The following CACNA1A variants were observed in gnomAD, a reference collection of about 807,000 sequenced individuals.
CACNA1A encodes the protein voltage-dependent P/Q-type calcium channel subunit alpha-1A.
CACNA1A carries 57 observed loss-of-function variants against 262.4 expected under a neutral mutation model. The ratio of observed to expected loss-of-function variants is 0.22; its 90% CI spans 0.18 to 0.27. The LOEUF is 0.27. Among genes scored for constraint, CACNA1A ranks in the 10% least tolerant of loss-of-function variants. The probability of loss-of-function intolerance (pLI) is 1.00; values close to 1 mark genes in which losing one functional copy is unlikely to be tolerated. For synonymous variants in CACNA1A, 1,431 were observed against 1,419.3 expected (o/e 1.01, Z -0.18); for missense variants, 2,526 against 3,562.8 (o/e 0.71, Z 7.41).
chr19:13,482,470 G>A (rs1352154631), intron 1 of CACNA1A, among the ~76,000 whole-genome samples: 1 of 140,316 alleles, frequency 7.1e-6, no homozygotes, highest in Non-Finnish European at 1.6e-5. Flanking sequence ...GTGACAGAGT[G>A]AGACTCCGTC....
In CACNA1A at chr19:13,214,306, T is replaced by A. The variant is rs767245920; in HGVS notation, c.5867A>T (p.Tyr1956Phe). 1 of 1,612,836 alleles carries A rather than the reference T, an allele frequency of 6.2e-7. No homozygotes were observed. Among genetic ancestry groups the A allele is most frequent in the Non-Finnish European group, 8.5e-7 (1 of 1,179,882 alleles). The change falls in exon 40 of 47, where the codon TAC becomes TTC. Residue 1956 changes from tyrosine to phenylalanine, a missense_variant. Physicochemically the swap from Tyr to Phe is conservative, Grantham distance 22. This residue lies in a region of CACNA1A where 112 missense variants were observed against 197.2 expected (regional missense o/e 0.57). Coordinates refer to ENST00000360228, the MANE Select transcript of CACNA1A (RefSeq NM_001127222.2). The surrounding 1 kb of genome is among the most constrained non-coding windows in gnomAD (Gnocchi z 4.1). The part of the protein sequence containing the change: ...KSTDLTVGKI[Y>F]AAMMIMEYYR... ...GTACTCCATGATCATCATGGCTGCG[T>A]AGATCTTCCCCACGGTGAGGTCCGT...
At chr19:13,362,583 T>C (rs2059129857) in intron 5 of CACNA1A, 1 of 152,222 alleles carries the variant, frequency 6.6e-6, no homozygotes, top group Non-Finnish European at 1.5e-5. Context: ...CCTCAAGGGA[T>C]ACTCCCACCT....
At position 13,214,671 on chromosome 19, in the gene CACNA1A, G is replaced by T; in HGVS notation, c.5732-63C>A. ...TGGGTGTCAGCTGGACTCTGGGTCAGCTGCAAAGCCATAGGCTCCCGAGAA... is the reference window on the plus strand; with the variant it reads ...TGGGTGTCAGCTGGACTCTGGGTCATCTGCAAAGCCATAGGCTCCCGAGAA... On this transcript the variant is annotated intron_variant, in intron 38 of 46. Coordinates refer to ENST00000360228, the MANE Select transcript of CACNA1A (RefSeq NM_001127222.2). This position sits in a 1 kb window ranked among gnomAD's most constrained non-coding sequence, Gnocchi z 4.1. 1 of 1,316,454 alleles carries T rather than the reference G, an allele frequency of 7.6e-7. No individual in the cohort carries two copies. Among genetic ancestry groups the T allele is most frequent in the Non-Finnish European group, 1.1e-6 (1 of 923,158 alleles). 81.5% of individuals were successfully genotyped at this position (1,316,454 alleles called of 1,614,324 possible).
chr19:13,398,417 C>A (rs1216249363), intron 3 of CACNA1A, among the ~76,000 whole-genome samples: 1 of 152,174 alleles, frequency 6.6e-6, no homozygotes, highest in East Asian at 1.9e-4. Flanking sequence ...GTAACTAATA[C>A]ACTTGGGCAG....
intron 6 of CACNA1A, 26 bp downstream of exon 6, chr19:13,359,578 CCA>C: frequency 1.3e-6 from 2 of 1,572,518 alleles, no homozygotes; most frequent in Admixed American, 1.7e-5. Flanking sequence ...CTCTGATTGT[CCA>C]CACACACTGT....
intron 15 of CACNA1A, 55 bp downstream of exon 15, chr19:13,307,727 C>A: frequency 6.7e-7 from 1 of 1,495,134 alleles, no homozygotes; most frequent in South Asian, 1.1e-5. Context: ...GGAGCAGGCA[C>A]TTTCATCTGT....
At position 13,235,198 on chromosome 19, in the gene CACNA1A, A is replaced by G. The variant is rs2055832790; in HGVS notation, c.5133+11T>C. On this transcript the variant is annotated intron_variant, in intron 33 of 46. Coordinates refer to ENST00000360228, the MANE Select transcript of CACNA1A (RefSeq NM_001127222.2). ...GGGAGGCTCTGGGAACCTTAGGGAC[A>G]CGACACTCACCTGCATCCCAATGAT... is the stretch of plus-strand genomic sequence containing the variant. The G allele has an allele frequency of 6.2e-7, 1 of 1,606,972 alleles. No individual in the cohort carries two copies. Among genetic ancestry groups the G allele is most frequent in the Admixed American group, 1.7e-5 (1 of 58,244 alleles).
intron 1 of CACNA1A, among the ~76,000 whole-genome samples, chr19:13,504,492 T>C (rs1477292): frequency 0.73 from 110,265 of 151,954 alleles, 41,004 homozygotes; most frequent in African/African-American, 0.9. Context: ...AGGCTCGATT[T>C]TGAACCCCCC....
chr19:13,326,325 A>G (rs760200345), intron 10 of CACNA1A, among the ~76,000 whole-genome samples: 1 of 146,340 alleles, frequency 6.8e-6, no homozygotes, highest in Non-Finnish European at 1.5e-5. Flanking sequence ...AAAAAAAAAG[A>G]AAAAAAAGAA....
chr19:13,231,774 C>T lies in CACNA1A; in HGVS notation c.5336G>A (p.Arg1779Gln), dbSNP rs267605294. ...ATAAGCAAATTCATTGCCACACTCT[C>T]GAGTCAGGATGCCAGAGTTCTTATC... ...PCDKNSGILT[R>Q]ECGNEFAYFY... Residue 1779 changes from arginine to glutamine, a missense_variant, in exon 35 of 47, where the codon CGA becomes CAA. Around this residue, in one of 17 missense-constraint regions of CACNA1A, gnomAD observed 39 missense variants for 124.9 expected, o/e 0.31. Transcript: ENST00000360228. 2.0e-5 allele frequency: 32 copies of T among 1,613,722 alleles called. No homozygotes were observed. Among genetic ancestry groups the T allele is most frequent in the South Asian group, 6.6e-5 (6 of 91,070 alleles).
chr19:13,487,674 T>A (rs1980192290), intron 1 of CACNA1A, among the ~76,000 whole-genome samples: 3 of 148,048 alleles, frequency 2.0e-5, no homozygotes, highest in Non-Finnish European at 3.0e-5. Flanking sequence ...TTTTAAAAAT[T>A]AAAAAAAAAA....
At chr19:13,268,143 C>T (rs1047865759) in intron 24 of CACNA1A, among the ~76,000 whole-genome samples, 1 of 152,128 alleles carries the variant, frequency 6.6e-6, no homozygotes, top group Non-Finnish European at 1.5e-5. Context: ...AAGCTATGGC[C>T]TTGGCTTTGC....
At chr19:13,293,507 G>A (rs970892487) in intron 19 of CACNA1A, among the ~76,000 whole-genome samples, 11 of 139,912 alleles carry the variant, frequency 7.9e-5, no homozygotes, top group African/African-American at 3.0e-4. Flanking sequence ...GTGCAGTGGT[G>A]CGATCTCGGC....
Position 13,207,614 on chromosome 19 carries a change from T to C in CACNA1A, c.7220A>G (p.His2407Arg). Reference sequence around the variant, plus strand: ...GTAGTCGGAGCCCCGGTAGTAGCCATGGTGCCGGGGACCCGGGGGCCCCTC... The same window carrying C: ...GTAGTCGGAGCCCCGGTAGTAGCCACGGTGCCGGGGACCCGGGGGCCCCTC... ...VSEGPPGPRH[H>R]GYYRGSDYDE... The change falls in exon 47 of 47, where the codon CAT becomes CGT. Residue 2407 changes from histidine to arginine, a missense_variant. Physicochemically the swap from His to Arg is conservative, Grantham distance 29. Around this residue, in one of 17 missense-constraint regions of CACNA1A, gnomAD observed 929 missense variants for 868.1 expected, o/e 1.07. Transcript: ENST00000360228. This position sits in a 1 kb window ranked among gnomAD's most constrained non-coding sequence, Gnocchi z 5.7. The C allele has an allele frequency of 1.4e-6, 2 of 1,480,636 alleles. No individual in the cohort carries two copies. The highest frequency in any genetic ancestry group is 1.8e-6 in the Non-Finnish European group (2 of 1,115,854). The allele number at this position is 1,480,636 out of a possible 1,614,324, so 91.7% of individuals were successfully genotyped here.
intron 24 of CACNA1A, chr19:13,275,030 A>T (rs2057112298): frequency 6.6e-6 from 1 of 151,984 alleles, no homozygotes; most frequent in Non-Finnish European, 1.5e-5. Flanking sequence ...GCCACCCTGG[A>T]ACTCAGGGGC....
intron 3 of CACNA1A, among the ~76,000 whole-genome samples, chr19:13,393,987 G>A (rs1365841612): frequency 6.6e-6 from 1 of 152,012 alleles, no homozygotes; most frequent in Non-Finnish European, 1.5e-5. Flanking sequence ...ACATGACTGG[G>A]CTCAGTTTTT....
chr19:13,332,472 C>T (rs988044332), intron 9 of CACNA1A, among the ~76,000 whole-genome samples: 11 of 151,978 alleles, frequency 7.2e-5, no homozygotes, highest in Non-Finnish European at 1.3e-4. Context: ...AGACAGCAGC[C>T]GTTCACAGTA....
At chr19:13,435,539 G>C (rs1235611137) in intron 3 of CACNA1A, among the ~76,000 whole-genome samples, 1 of 152,128 alleles carries the variant, frequency 6.6e-6, no homozygotes, top group Non-Finnish European at 1.5e-5. Flanking sequence ...AGCAGGAAGG[G>C]TGCTCTGCCA....
chr19:13,428,737 C>T (rs946811546), intron 3 of CACNA1A, among the ~76,000 whole-genome samples: 5 of 152,104 alleles, frequency 3.3e-5, no homozygotes, highest in African/African-American at 7.2e-5. Flanking sequence ...CTACTTTCTG[C>T]CACCAGTGTT....
Sources: gnomAD v4.1 joint callset for allele counts (sites outside exome capture counted in the v4.1 genomes callset) on GRCh38, gnomAD v4.1.1 for gene constraint, gnomAD v4.1.1 regional missense constraint, Gnocchi (gnomAD v3.1) non-coding constraint, MANE v1.5 for transcripts, NCBI Gene and HGNC (gene_info 2026-07-23, HGNC 2026-07-21) for gene names.